B4GALNT2: variants seen among roughly 807,000 people sequenced by gnomAD.
B4GALNT2 encodes beta-1,4-N-acetyl-galactosaminyltransferase 2 (SID blood group).
Under a neutral mutation model 51.1 loss-of-function variants are expected in B4GALNT2, and 42 were observed. The observed-to-expected ratio is 0.82, with a 90% CI of 0.64 to 1.06. B4GALNT2 has a LOEUF of 1.06. Ranked by LOEUF, B4GALNT2 falls within the 50% of genes least tolerant of loss-of-function variation. The pLI is 0.00. For missense variants in B4GALNT2, 602 were observed against 633.6 expected, an observed-to-expected ratio of 0.95 and a Z score of 0.54; for synonymous variants, 253 against 251.7, an observed-to-expected ratio of 1.01 and a Z score of -0.05.
chr17:49,141,999 C>G (rs753693865), intron 2 of B4GALNT2, 36 bp from the exon 3 acceptor site: 2 of 1,612,652 alleles, frequency 1.2e-6, no homozygotes, highest in Non-Finnish European at 1.7e-6. Context: ...AGCCTACCCA[C>G]CCAATCCATG....
At chr17:49,153,805 G>C (rs1372121752) in intron 4 of B4GALNT2, among the ~76,000 whole-genome samples, 1 of 152,010 alleles carries the variant, frequency 6.6e-6, no homozygotes, top group Non-Finnish European at 1.5e-5. Flanking sequence ...ACCGCGCCTG[G>C]CTTGATGTGA....
rs1301664863 is a variant in B4GALNT2, at chr17:49,152,838, C to T, written c.392C>T (p.Pro131Leu). 5.6e-6 allele frequency: 9 copies of T among 1,610,368 alleles called. No individual in the cohort carries two copies. Among genetic ancestry groups the T allele is most frequent in the Non-Finnish European group, 7.6e-6 (9 of 1,178,278 alleles). Reference sequence around the variant, plus strand: ...CGCCCACTGCCCCTGCTGGTCCAGCCCAACCTCCCCTTTGGGTACCCAGTC... The same window carrying T: ...CGCCCACTGCCCCTGCTGGTCCAGCTCAACCTCCCCTTTGGGTACCCAGTC... ...LPRPLPLLVQ[P>L]NLPFGYPVHG... The change falls in exon 4 of 11, where the codon CCC (proline) becomes CTC (leucine). Residue 131 changes from proline to leucine, a missense_variant. Coordinates refer to ENST00000393354, the MANE Select transcript of B4GALNT2 (RefSeq NM_001159387.2).
At chr17:49,134,153 A>G (rs61051048) in intron 1 of B4GALNT2, among the ~76,000 whole-genome samples, 32,712 of 152,124 alleles carry the variant, frequency 0.22, 3,521 homozygotes, top group South Asian at 0.34. Flanking sequence ...TAAAGCTGGC[A>G]AATCCTCGGC....
the B4GALNT2 span, among the ~76,000 whole-genome samples, chr17:49,123,574 G>C: frequency 6.6e-6 from 1 of 152,158 alleles, no homozygotes; most frequent in Non-Finnish European, 1.5e-5. Context: ...TTTGCATACA[G>C]TGCAGCAAGA....
chr17:49,121,286 AC>A, the B4GALNT2 span, among the ~76,000 whole-genome samples: 1 of 152,076 alleles, frequency 6.6e-6, no homozygotes, highest in Non-Finnish European at 1.5e-5. Flanking sequence ...TGGCATCACC[AC>A]CTTTTTGGGG....
At position 49,141,965 on chromosome 17, in the gene B4GALNT2, G is replaced by T. The variant is rs1204230168; in HGVS notation, c.216-70G>T. On this transcript the variant is annotated intron_variant, in intron 2 of 10. Transcript: ENST00000393354. Reference sequence around the variant, plus strand: ...CAGGGTAAACTACACACTGGATTAGGACTCCGGTTTCCTCTCACCCACCAG... The same window carrying T: ...CAGGGTAAACTACACACTGGATTAGTACTCCGGTTTCCTCTCACCCACCAG... 5.7e-6 allele frequency: 9 copies of T among 1,574,610 alleles called. No homozygotes were observed. The African/African-American group carries it at 6.8e-5, about 12-fold the overall frequency.
At chr17:49,154,732 CAG>C (rs1442596943) in intron 4 of B4GALNT2, among the ~76,000 whole-genome samples, 1 of 151,928 alleles carries the variant, frequency 6.6e-6, no homozygotes, top group Non-Finnish European at 1.5e-5. Flanking sequence ...CTGCCTGAGA[CAG>C]AGGGGGATGC....
chr17:49,126,950 C>T, the B4GALNT2 span, among the ~76,000 whole-genome samples: 1 of 151,936 alleles, frequency 6.6e-6, no homozygotes, highest in Non-Finnish European at 1.5e-5. Context: ...GTGAACCACC[C>T]GCCTTGGCCT....
chr17:49,169,644 T>C lies in B4GALNT2; in HGVS notation c.1437T>C (p.Asn479=). The C allele has an allele frequency of 1.2e-6, 2 of 1,612,720 alleles. No homozygotes were observed. Among genetic ancestry groups the C allele is most frequent in the South Asian group, 2.2e-5 (2 of 90,942 alleles). The part of the protein sequence containing the change: ...SELAALEKTY[N]TYRSNTLTRV... ...TGGCTGCCCTAGAGAAGACCTACAA[T>C]ACATACCGGTCCAACACCCTCACCC... The change falls in exon 11 of 11, where the codon AAT becomes AAC. Residue 479 remains asparagine, a synonymous_variant. Transcript: ENST00000393354.
chr17:49,126,632 C>CAT, the B4GALNT2 span, among the ~76,000 whole-genome samples: 1 of 53,908 alleles, frequency 1.9e-5, no homozygotes, highest in Non-Finnish European at 4.6e-5. Context: ...TCGTACATTT[C>CAT]TTTTTTTTTC....
intron 7 of B4GALNT2, among the ~76,000 whole-genome samples, chr17:49,161,338 A>G (rs970899939): frequency 6.6e-6 from 1 of 152,056 alleles, no homozygotes; most frequent in Non-Finnish European, 1.5e-5. Context: ...CAAATTAAAA[A>G]TTGGCTTTTC....
At chr17:49,138,507 A>G (rs1211628554) in intron 1 of B4GALNT2, among the ~76,000 whole-genome samples, 3 of 152,232 alleles carry the variant, frequency 2.0e-5, no homozygotes, top group Non-Finnish European at 4.4e-5. Flanking sequence ...TGAATTCTGC[A>G]TCTGTCATAA....
At chr17:49,148,388 AT>A in intron 3 of B4GALNT2, 1 of 344,586 alleles carries the variant, frequency 2.9e-6, no homozygotes, top group Non-Finnish European at 5.7e-6. Flanking sequence ...TCTTACTGGA[AT>A]TTGGTTGTTG....
At position 49,135,891 on chromosome 17, in the gene B4GALNT2, G is replaced by A. The variant is rs373490237; in HGVS notation, c.14+3085G>A. Among the ~76,000 whole-genome samples the A allele has an allele frequency of 1.8e-3, 267 of 151,424 alleles. 4 individuals carry two copies. The highest frequency in any genetic ancestry group is 5.8e-3 in the African/African-American group (241 of 41,360). On this transcript the variant is annotated intron_variant, in intron 1 of 10. Coordinates refer to ENST00000393354, the MANE Select transcript of B4GALNT2 (RefSeq NM_001159387.2). ...ATCCTGGCTAACACGGCGAAACTCC[G>A]TCTCTACTAAAAATACAAAAATAAA...
chr17:49,169,456 G>A (rs1277019779), intron 10 of B4GALNT2, 67 bp from the exon 11 acceptor site: 3 of 1,475,454 alleles, frequency 2.0e-6, no homozygotes, highest in African/African-American at 2.8e-5. Flanking sequence ...TCCCCCACCA[G>A]ACCTAGAATA....
At chr17:49,169,486 C>T in intron 10 of B4GALNT2, 37 bp from the exon 11 acceptor site, 1 of 1,589,034 alleles carries the variant, frequency 6.3e-7, no homozygotes. Context: ...TTTCTGACCG[C>T]AGCTCCCACT....
rs2042976098 is a variant in B4GALNT2, at chr17:49,174,506, G to A, written c.*4778G>A. On this transcript the variant is annotated 3_prime_UTR_variant, in exon 11 of 11. Transcript: ENST00000393354. ...AGGCCAATTCTTTGGAATCATAGCAGGAGAAGGCAGTCCTGGCTGCAATGT... is the reference window on the plus strand; with the variant it reads ...AGGCCAATTCTTTGGAATCATAGCAAGAGAAGGCAGTCCTGGCTGCAATGT... 1 of 152,202 alleles carries A rather than the reference G, an allele frequency of 6.6e-6. No individual in the cohort carries two copies. The highest frequency in any genetic ancestry group is 1.5e-5 in the Non-Finnish European group (1 of 68,048). 9.4% of individuals were successfully genotyped at this position (152,202 alleles called of 1,614,324 possible). A position where few individuals can be genotyped will look rare whatever the true frequency, so the allele number is the denominator to read the frequency against.
chr17:49,127,452 CAGTA>C, the B4GALNT2 span, among the ~76,000 whole-genome samples: 1,187 of 152,204 alleles, frequency 7.8e-3, 9 homozygotes, highest in Middle Eastern at 0.031. Flanking sequence ...CTTACTGTAC[CAGTA>C]AGTTTTAAAG....
intron 6 of B4GALNT2, 34 bp from the exon 7 acceptor site, chr17:49,160,521 A>G (rs1360684318): frequency 1.3e-6 from 2 of 1,590,738 alleles, no homozygotes; most frequent in African/African-American, 1.3e-5. Context: ...CAGACATGAT[A>G]CTCCCTGTGC....
Sources: gnomAD v4.1 joint callset for allele counts (sites outside exome capture counted in the v4.1 genomes callset) on GRCh38, gnomAD v4.1.1 for gene constraint, MANE v1.5 for transcripts, NCBI Gene and HGNC (gene_info 2026-07-23, HGNC 2026-07-21) for gene names.